Variants in PCDHGA4 observed in about 807,000 individuals in gnomAD.
The protein encoded by PCDHGA4 is protocadherin gamma subfamily A, 4.
PCDHGA4 carries 38 observed loss-of-function variants against 54.6 expected under a neutral mutation model. The observed-to-expected ratio is 0.70, with a 90% CI of 0.54 to 0.91. The LOEUF is 0.91. PCDHGA4 is among the 40% of genes least tolerant of loss of function. The pLI is 0.00. For missense variants in PCDHGA4, 1,298 were observed against 1,220.9 expected, an observed-to-expected ratio of 1.06 and a Z score of -0.94; for synonymous variants, 511 against 512.9, an observed-to-expected ratio of 1.00 and a Z score of 0.05.
At chr5:141,427,371 G>A (rs772247790) in intron 1 of PCDHGA4, 3 of 458,018 alleles carry the variant, frequency 6.5e-6, no homozygotes, top group East Asian at 6.9e-5. Context: ...ACCCTGGACG[G>A]TGATCACTCT....
chr5:141,468,230 TAGG>T (rs1451844939), intron 1 of PCDHGA4, among the ~76,000 whole-genome samples: 9 of 141,220 alleles, frequency 6.4e-5, no homozygotes, highest in South Asian at 2.2e-4. Context: ...GAGGATGAGG[TAGG>T]AGAATTGCCT....
rs753256077 is a variant in PCDHGA4 at position 141,431,467 on chromosome 5, C to A, written c.2515-63340C>A. On this transcript the variant is annotated intron_variant, in intron 1 of 3. Coordinates refer to ENST00000571252, the MANE Select transcript of PCDHGA4 (RefSeq NM_018917.4). The surrounding 1 kb of genome is among the most constrained non-coding windows in gnomAD (Gnocchi z 4.8). The stretch of plus-strand genomic sequence containing the variant: ...TCCGCGTGATGGTTCTGGATGCGAA[C>A]GACAACGCACCAGCGTTTGCTCAGC... 1.9e-5 allele frequency: 31 copies of A among 1,613,684 alleles called. No homozygotes were observed. The highest frequency in any genetic ancestry group is 3.4e-6 in the Non-Finnish European group (4 of 1,179,964).
At chr5:141,427,861 T>G (rs776215800) in intron 1 of PCDHGA4, 2 of 1,556,958 alleles carry the variant, frequency 1.3e-6, no homozygotes, top group Admixed American at 1.7e-5. Flanking sequence ...CTGTGCGCCT[T>G]CGAGCTCACG....
At chr5:141,360,266 A>G (rs1187261942) in intron 1 of PCDHGA4, 10 of 1,613,538 alleles carry the variant, frequency 6.2e-6, no homozygotes, top group Non-Finnish European at 8.5e-6. Context: ...CTGGCCAAAA[A>G]CTCGGTCGTA....
chr5:141,394,204 A>G (rs749979763), intron 1 of PCDHGA4: 4 of 1,613,914 alleles, frequency 2.5e-6, no homozygotes, highest in Non-Finnish European at 3.4e-6. Context: ...ATCCTAGAGA[A>G]CAACCTGAGA....
Position 141,511,348 on chromosome 5 carries a change from C to T in PCDHGA4, c.*175C>T. Reference sequence around the variant, plus strand: ...TGCCCAGTCAGCACCTACCCCTTCCCCCCCAGGGGGTTGAATATGCAAAAG... The same window carrying T: ...TGCCCAGTCAGCACCTACCCCTTCCTCCCCAGGGGGTTGAATATGCAAAAG... On this transcript the variant is annotated 3_prime_UTR_variant, in exon 4 of 4. Transcript: ENST00000571252. The T allele has an allele frequency of 7.1e-7, 1 of 1,404,104 alleles. No homozygotes were observed. The highest frequency in any genetic ancestry group is 9.5e-7 in the Non-Finnish European group (1 of 1,056,554). 87.0% of individuals were successfully genotyped at this position (1,404,104 alleles called of 1,614,324 possible). A position where few individuals can be genotyped will look rare whatever the true frequency, so the allele number is the denominator to read the frequency against.
rs1562059777 is a variant in PCDHGA4, at chr5:141,477,098, G to C, written c.2515-17709G>C. 6.2e-7 allele frequency: 1 copy of C among 1,614,242 alleles called. No individual in the cohort carries two copies. Among genetic ancestry groups the C allele is most frequent in the Non-Finnish European group, 8.5e-7 (1 of 1,180,046 alleles). ...GATTTACATCCAGGCCAAAGACAAG[G>C]GCGCCAATCCCGAAGGAGCACATTG... On this transcript the variant is annotated intron_variant, in intron 1 of 3. Transcript: ENST00000571252. This position sits in a 1 kb window ranked among gnomAD's most constrained non-coding sequence, Gnocchi z 4.9.
At chr5:141,364,725 G>T (rs775854228) in intron 1 of PCDHGA4, 4 of 1,613,828 alleles carry the variant, frequency 2.5e-6, no homozygotes, top group African/African-American at 1.3e-5. Context: ...AACTTCCCGC[G>T]TTTCCGGGAT....
Position 141,489,560 on chromosome 5 carries a change from A to G in PCDHGA4, c.2515-5247A>G. On this transcript the variant is annotated intron_variant, in intron 1 of 3. Coordinates refer to ENST00000571252, the MANE Select transcript of PCDHGA4 (RefSeq NM_018917.4). The surrounding 1 kb of genome is among the most constrained non-coding windows in gnomAD (Gnocchi z 4.5). Reference sequence around the variant, plus strand: ...AGCACCAGCTGCCTGCTGCCAGTGCAGGTGGTGACTGAACACCCCCTGGAG... The same window carrying G: ...AGCACCAGCTGCCTGCTGCCAGTGCGGGTGGTGACTGAACACCCCCTGGAG... 1.2e-6 allele frequency: 2 copies of G among 1,614,142 alleles called. No homozygotes were observed. The highest frequency in any genetic ancestry group is 1.7e-6 in the Non-Finnish European group (2 of 1,180,030).
At chr5:141,507,009 C>T (rs988626142) in intron 3 of PCDHGA4, 1 of 152,154 alleles carries the variant, frequency 6.6e-6, no homozygotes, top group South Asian at 2.1e-4. Context: ...ATGAGAGAAC[C>T]GAGAAGGCAC....
chr5:141,488,606 C>T (rs781116401), intron 1 of PCDHGA4, among the ~76,000 whole-genome samples: 2 of 152,156 alleles, frequency 1.3e-5, no homozygotes, highest in Admixed American at 1.3e-4. Flanking sequence ...TTACAAGGTT[C>T]TTACTAATCT....
intron 1 of PCDHGA4, chr5:141,372,062 C>T: frequency 1.2e-6 from 2 of 1,613,470 alleles, no homozygotes; most frequent in Non-Finnish European, 1.7e-6. Context: ...ACGACCGCAA[C>T]GACAATGCAC....
chr5:141,389,374 G>C (rs192606668), intron 1 of PCDHGA4: 6 of 1,613,666 alleles, frequency 3.7e-6, no homozygotes, highest in Admixed American at 1.7e-5. Flanking sequence ...CTGGAGCAGC[G>C]GGAGCTGTCA....
intron 1 of PCDHGA4, chr5:141,441,799 G>C (rs546770596): frequency 2.6e-6 from 1 of 385,350 alleles, no homozygotes; most frequent in Non-Finnish European, 5.2e-6. Context: ...AACGCACCGC[G>C]GGTGCTGTAC....
At chr5:141,362,396 T>C in intron 1 of PCDHGA4, 1 of 1,614,058 alleles carries the variant, frequency 6.2e-7, no homozygotes, top group African/African-American at 1.3e-5. Context: ...TCCTACAACC[T>C]GTGTGTTGCC....
rs1258238617 is a variant in PCDHGA4, at chr5:141,409,461, T to A, written c.2514+51840T>A. On this transcript the variant is annotated intron_variant, in intron 1 of 3. Coordinates refer to ENST00000571252, the MANE Select transcript of PCDHGA4 (RefSeq NM_018917.4). ...CGAGAGCAGACACCAGAATACAATG[T>A]CACCATCGTAGCCACTGACAGGGGC... The A allele has an allele frequency of 5.0e-6, 8 of 1,613,928 alleles. No homozygotes were observed. In the Admixed American group the frequency reaches 1.3e-4, roughly 27 times the overall value.
chr5:141,487,100 C>A lies in PCDHGA4; in HGVS notation c.2515-7707C>A. ...CCCAGCTGACCTCCCACCACAGAAGCTGGTCATTGTGGTAAAGGATAGTGG... is the reference window on the plus strand; with the variant it reads ...CCCAGCTGACCTCCCACCACAGAAGATGGTCATTGTGGTAAAGGATAGTGG... On this transcript the variant is annotated intron_variant, in intron 1 of 3. Coordinates refer to ENST00000571252, the MANE Select transcript of PCDHGA4 (RefSeq NM_018917.4). This position sits in a 1 kb window ranked among gnomAD's most constrained non-coding sequence, Gnocchi z 5.0. The A allele has an allele frequency of 1.2e-6, 2 of 1,614,076 alleles. No homozygotes were observed. The highest frequency in any genetic ancestry group is 1.7e-6 in the Non-Finnish European group (2 of 1,179,960).
intron 1 of PCDHGA4, among the ~76,000 whole-genome samples, chr5:141,380,010 C>T (rs1404064282): frequency 6.7e-6 from 1 of 148,282 alleles, no homozygotes; most frequent in Admixed American, 6.9e-5. Flanking sequence ...AGCGATTCTC[C>T]TGCCTCAGCC....
chr5:141,360,891 G>A (rs1293108757), intron 1 of PCDHGA4: 11 of 1,613,912 alleles, frequency 6.8e-6, no homozygotes, highest in Non-Finnish European at 6.8e-6. Flanking sequence ...TCACCCTGAG[G>A]GAGGACGTGC....
Sources: gnomAD v4.1 joint callset for allele counts (sites outside exome capture counted in the v4.1 genomes callset) on GRCh38, gnomAD v4.1.1 for gene constraint, Gnocchi (gnomAD v3.1) non-coding constraint, MANE v1.5 for transcripts, NCBI Gene and HGNC (gene_info 2026-07-23, HGNC 2026-07-21) for gene names.